CCDC33: variants seen among roughly 807,000 people sequenced by gnomAD.
CCDC33 encodes coiled-coil domain-containing protein 33.
Under a neutral mutation model 91.9 loss-of-function variants are expected in CCDC33, and 94 were observed. That is an observed-to-expected ratio of 1.02 (90% CI 0.87 to 1.21). CCDC33 has a LOEUF of 1.21. CCDC33 is among the 50% of genes most tolerant of loss of function. The probability of loss-of-function intolerance (pLI) is 0.00; values close to 1 mark genes in which losing one functional copy is unlikely to be tolerated. For missense variants in CCDC33, 940 were observed against 935.5 expected (o/e 1.00, Z -0.06); for synonymous variants, 396 against 374.5 (o/e 1.06, Z -0.66).
chr15:74,332,405 A>C (rs577614891), intron 15 of CCDC33, among the ~76,000 whole-genome samples: 1 of 152,338 alleles, frequency 6.6e-6, no homozygotes, highest in Admixed American at 6.5e-5. Flanking sequence ...AGTGAGAAGA[A>C]TTCCAGGATC....
intron 11 of CCDC33, among the ~76,000 whole-genome samples, chr15:74,296,660 C>T (rs1268124112): frequency 2.6e-5 from 4 of 152,110 alleles, no homozygotes; most frequent in Non-Finnish European, 5.9e-5. Context: ...AAAGAGGACA[C>T]CAATTCTGGT....
chr15:74,223,606 C>G (rs1595886503), intron 2 of CCDC33, among the ~76,000 whole-genome samples: 2 of 152,106 alleles, frequency 1.3e-5, no homozygotes, highest in African/African-American at 4.8e-5. Flanking sequence ...ACCAGTGCCC[C>G]TCTACAGGCA....
upstream of CCDC33, among the ~76,000 whole-genome samples, chr15:74,234,148 C>G (rs2075071782): frequency 6.6e-6 from 1 of 152,250 alleles, no homozygotes; most frequent in Admixed American, 6.5e-5. Context: ...AGAGCCAGCC[C>G]CAGATCCAGC....
chr15:74,281,707 G>A (rs945066028), intron 9 of CCDC33, 71 bp from the exon 10 acceptor site: 3 of 1,356,496 alleles, frequency 2.2e-6, no homozygotes, highest in South Asian at 2.4e-5. Context: ...GAGAAATCTA[G>A]AACAGTAGGT....
chr15:74,230,505 TG>T (rs2074937051), intron 2 of CCDC33, among the ~76,000 whole-genome samples: 1 of 152,204 alleles, frequency 6.6e-6, no homozygotes, highest in Admixed American at 6.5e-5. Flanking sequence ...TATGACATGA[TG>T]GAGGGAGCTG....
intron 2 of CCDC33, among the ~76,000 whole-genome samples, chr15:74,223,909 C>G (rs2074700846): frequency 6.6e-6 from 1 of 152,182 alleles, no homozygotes; most frequent in Non-Finnish European, 1.5e-5. Flanking sequence ...GGGGCTCCCC[C>G]TTGAGTAGGG....
At chr15:74,306,706 A>C (rs910665715) in intron 11 of CCDC33, among the ~76,000 whole-genome samples, 38 of 152,176 alleles carry the variant, frequency 2.5e-4, no homozygotes, top group Non-Finnish European at 8.8e-5. Context: ...GTGTGGAGGA[A>C]AGAATGGATG....
chr15:74,218,549 G>A lies in CCDC33; in HGVS notation c.363G>A (p.Leu121=). The A allele has an allele frequency of 7.8e-7, 1 of 1,289,750 alleles. No homozygotes were observed. Among genetic ancestry groups the A allele is most frequent in the Non-Finnish European group, 1.0e-6 (1 of 988,846 alleles). The allele number at this position is 1,289,750 out of a possible 1,614,324, so 79.9% of individuals were successfully genotyped here. The change falls in exon 2 of 3, where the codon CTG becomes CTA. Residue 121 remains leucine, a synonymous_variant. Coordinates refer to the CCDC33 transcript ENST00000635913. The surrounding 1 kb of genome is among the most constrained non-coding windows in gnomAD (Gnocchi z 4.8). Reference sequence around the variant, plus strand: ...ATGCTCAGCTGCATGTGGAGGCACTGAGGCTGGACGAACCCTTGGGACGGG... The same window carrying A: ...ATGCTCAGCTGCATGTGGAGGCACTAAGGCTGGACGAACCCTTGGGACGGG...
intron 11 of CCDC33, among the ~76,000 whole-genome samples, chr15:74,308,093 C>G (rs1258200117): frequency 6.6e-6 from 1 of 152,118 alleles, no homozygotes; most frequent in East Asian, 1.9e-4. Context: ...GGCACGTCCC[C>G]CTTGGGACCA....
chr15:74,293,660 A>G (rs1193414547), intron 10 of CCDC33, among the ~76,000 whole-genome samples: 2 of 152,174 alleles, frequency 1.3e-5, no homozygotes, highest in African/African-American at 4.8e-5. Context: ...ACCAGGTGGG[A>G]GAGAGAGCCA....
intron 1 of CCDC33, among the ~76,000 whole-genome samples, chr15:74,217,967 G>T (rs1249469147): frequency 6.6e-6 from 1 of 152,088 alleles, no homozygotes; most frequent in African/African-American, 2.4e-5. Context: ...TAGATTGTGG[G>T]TATGTTGGGG....
rs1266148425 is a variant in CCDC33, at chr15:74,327,811, CA to C, written c.1291-2376del. 8.5e-5 allele frequency among the ~76,000 whole-genome samples: 13 copies of C among 152,318 alleles called. No individual in the cohort carries two copies. The Middle Eastern group carries it at 0.014, about 159-fold the overall frequency. Reference sequence around the variant, plus strand: ...AGGACTCACTCCATGAGCATGCTCACAACCCGGTTATGGACAGGATCGTATT... The same window carrying C: ...AGGACTCACTCCATGAGCATGCTCACACCCGGTTATGGACAGGATCGTATT... On this transcript the variant is annotated intron_variant, in intron 11 of 18. Transcript: ENST00000398814.
At chr15:74,262,304 A>G in intron 2 of CCDC33, 136 bp from the exon 3 acceptor site, 2 of 1,146,626 alleles carry the variant, frequency 1.7e-6, no homozygotes, top group Non-Finnish European at 2.5e-6. Context: ...GGATGACACA[A>G]GTGTCTATGC....
chr15:74,225,344 T>C (rs1332735432), intron 2 of CCDC33, among the ~76,000 whole-genome samples: 2 of 152,010 alleles, frequency 1.3e-5, no homozygotes, highest in South Asian at 4.1e-4. Context: ...GAAGGCCCAG[T>C]GACGATGGCC....
At chr15:74,326,996 C>T (rs1268505164) in intron 11 of CCDC33, among the ~76,000 whole-genome samples, 1 of 152,196 alleles carries the variant, frequency 6.6e-6, no homozygotes, top group Non-Finnish European at 1.5e-5. Flanking sequence ...CTGTGCTGCT[C>T]AAGGTCACTG....
rs2074336486 is a variant in CCDC33, at chr15:74,209,502, AGT to A, written n.205_206del. 7 of 1,464,004 alleles carry A rather than the reference AGT, an allele frequency of 4.8e-6. No homozygotes were observed. The African/African-American group carries it at 9.8e-5, about 20-fold the overall frequency. 90.7% of individuals were successfully genotyped at this position (1,464,004 alleles called of 1,614,324 possible). A position where few individuals can be genotyped will look rare whatever the true frequency, so the allele number is the denominator to read the frequency against. On this transcript the variant is annotated non_coding_transcript_exon_variant, in exon 2 of 4. Transcript: ENST00000558645. ...GAGGGCCCTGACCACAGCTAAGGGG[AGT>A]CATCACAGGGCTTCAGGGCTGGAAT... is the stretch of plus-strand genomic sequence containing the variant.
At chr15:74,280,852 C>T in intron 9 of CCDC33, 51 bp downstream of exon 9, 1 of 1,383,494 alleles carries the variant, frequency 7.2e-7, no homozygotes, top group African/African-American at 1.5e-5. Flanking sequence ...CTGGCCCCAC[C>T]CTGCCTCACC....
intron 3 of CCDC33, among the ~76,000 whole-genome samples, chr15:74,264,241 G>C (rs558907904): frequency 6.6e-6 from 1 of 152,206 alleles, no homozygotes; most frequent in East Asian, 1.9e-4. Flanking sequence ...GCGGGGGAAG[G>C]GTGGGAGGTA....
chr15:74,231,593 C>T (rs1239585329), upstream of CCDC33, among the ~76,000 whole-genome samples: 1 of 152,158 alleles, frequency 6.6e-6, no homozygotes, highest in Non-Finnish European at 1.5e-5. Context: ...GAAAAGGCAG[C>T]GTGGTTTGGT....
Sources: allele counts gnomAD v4.1 joint callset (sites outside exome capture counted in the v4.1 genomes callset), GRCh38; gene constraint gnomAD v4.1.1; non-coding constraint Gnocchi (gnomAD v3.1); transcripts MANE v1.5; gene names NCBI Gene and HGNC (gene_info 2026-07-23, HGNC 2026-07-21).